The following DLGAP4 variants were observed in gnomAD, a reference collection of about 807,000 sequenced individuals.
DLGAP4 encodes disks large-associated protein 4.
A neutral mutation model predicts 86.9 loss-of-function variants in DLGAP4; 18 were observed. The observed-to-expected ratio is 0.21, with a 90% CI of 0.14 to 0.31. The LOEUF (loss-of-function observed/expected upper bound fraction) is 0.31, where lower values mean the gene tolerates loss of function less well. Ranked by LOEUF, DLGAP4 falls within the 10% of genes least tolerant of loss-of-function variation. DLGAP4 has a pLI of 1.00. For missense variants in DLGAP4, 1,085 were observed against 1,362.6 expected, an observed-to-expected ratio of 0.80 and a Z score of 3.21; for synonymous variants, 548 against 574.3, an observed-to-expected ratio of 0.95 and a Z score of 0.65.
At chr20:36,517,116 C>CGGAG (rs1569525106) in intron 10 of DLGAP4, among the ~76,000 whole-genome samples, 1 of 151,198 alleles carries the variant, frequency 6.6e-6, no homozygotes, top group Non-Finnish European at 1.5e-5. Flanking sequence ...CAGTGCCTCA[C>CGGAG]GCCTGTAATC....
intron 2 of DLGAP4, among the ~76,000 whole-genome samples, chr20:36,389,061 G>A (rs1012168872): frequency 1.3e-5 from 2 of 152,222 alleles, no homozygotes; most frequent in African/African-American, 2.4e-5. Context: ...GGAAGGAGAA[G>A]ACCGGGAAGA....
intron 1 of DLGAP4, among the ~76,000 whole-genome samples, chr20:36,311,341 G>C (rs2065051766): frequency 6.6e-6 from 1 of 152,158 alleles, no homozygotes; most frequent in Non-Finnish European, 1.5e-5. Context: ...CCTGAGCCGA[G>C]GAGTGGGGCC....
intron 6 of DLGAP4, among the ~76,000 whole-genome samples, chr20:36,445,581 C>A (rs1442581732): frequency 6.6e-6 from 1 of 152,224 alleles, no homozygotes; most frequent in African/African-American, 2.4e-5. Flanking sequence ...AGTTGTTTGA[C>A]CTGATGCAGT....
chr20:36,425,562 G>A (rs544526272), intron 2 of DLGAP4, among the ~76,000 whole-genome samples: 31 of 44,892 alleles, frequency 6.9e-4, no homozygotes, highest in Non-Finnish European at 1.2e-3. Context: ...GTGGTGGCTC[G>A]CCTGTAATCC....
chr20:36,436,347 G>A lies in DLGAP4; in HGVS notation c.1238G>A (p.Arg413His). The change falls in exon 4 of 13, where the codon CGC (arginine) becomes CAC (histidine). Residue 413 changes from arginine (R) to histidine (H), a missense_variant. Arg to His is a conservative substitution (Grantham distance 29, BLOSUM62 0). Transcript: ENST00000339266. ...TCGCTGGGAGAGCAGAGCAACCCCC[G>A]CAGGTAGGCGCGCAGCTCCACCCTT... The part of the protein sequence containing the change: ...QQSLGEQSNP[R>H]RSLDRLDSVD... 6.3e-7 allele frequency: 1 copy of A among 1,591,428 alleles called. No homozygotes were observed.
intron 8 of DLGAP4, 120 bp downstream of exon 8, chr20:36,497,186 G>A: frequency 6.8e-7 from 1 of 1,475,980 alleles, no homozygotes; most frequent in Admixed American, 2.6e-5. Flanking sequence ...TCTCTATTTT[G>A]GGGGATCAGC....
At chr20:36,387,016 T>C (rs530371567) in intron 2 of DLGAP4, among the ~76,000 whole-genome samples, 4 of 152,228 alleles carry the variant, frequency 2.6e-5, no homozygotes, top group African/African-American at 9.6e-5. Context: ...ATTTCAGTGG[T>C]TCTGGTTCTC....
intron 2 of DLGAP4, among the ~76,000 whole-genome samples, chr20:36,421,170 T>A (rs567517379): frequency 1.5e-4 from 22 of 148,126 alleles, no homozygotes; most frequent in African/African-American, 5.5e-4. Context: ...TAAAGAAGAC[T>A]AGGGGCCGGG....
chr20:36,524,433 T>C (rs1432099081), intron 11 of DLGAP4, 92 bp downstream of exon 11: 5 of 1,040,614 alleles, frequency 4.8e-6, no homozygotes, highest in East Asian at 2.4e-5. Context: ...TGTGCCCTCC[T>C]CTGTAACACA....
At chr20:36,445,938 G>A (rs1196861779) in intron 6 of DLGAP4, among the ~76,000 whole-genome samples, 1 of 152,002 alleles carries the variant, frequency 6.6e-6, no homozygotes, top group African/African-American at 2.4e-5. Flanking sequence ...AGATTTTCAG[G>A]GTCCTAGACA....
intron 5 of DLGAP4, among the ~76,000 whole-genome samples, chr20:36,440,464 G>A (rs2033415853): frequency 6.6e-6 from 1 of 152,184 alleles, no homozygotes; most frequent in Non-Finnish European, 1.5e-5. Flanking sequence ...CCCTGCCTGT[G>A]TCAGTGAGGA....
chr20:36,452,826 C>CTTTTTTTTTTTTT (rs1233444372), intron 7 of DLGAP4, among the ~76,000 whole-genome samples: 1 of 90,784 alleles, frequency 1.1e-5, no homozygotes, highest in African/African-American at 4.6e-5. Context: ...TTGTGTAAGT[C>CTTTTTTTTTTTTT]TTTTTTTTTT....
At chr20:36,408,879 A>C (rs1194642946) in intron 2 of DLGAP4, among the ~76,000 whole-genome samples, 4 of 152,236 alleles carry the variant, frequency 2.6e-5, no homozygotes, top group African/African-American at 9.6e-5. Flanking sequence ...TAAAGTCTGG[A>C]GTTTAGTTAA....
At position 36,442,833 on chromosome 20, in the gene DLGAP4, T is replaced by C; in HGVS notation, c.1407+56T>C. 1.9e-6 allele frequency: 3 copies of C among 1,603,716 alleles called. No homozygotes were observed. The South Asian group carries it at 3.3e-5, about 18-fold the overall frequency. ...AATCCCAGAGTGTAGGCCTGGGCCT[T>C]AGGCCTGCCCTCTGAGTGGTCCCAG... On this transcript the variant is annotated intron_variant, in intron 6 of 12. Coordinates refer to ENST00000339266, the MANE Select transcript of DLGAP4 (RefSeq NM_001365621.2).
intron 2 of DLGAP4, among the ~76,000 whole-genome samples, chr20:36,426,477 C>T (rs560529704): frequency 1.3e-5 from 2 of 151,742 alleles, no homozygotes; most frequent in South Asian, 2.1e-4. Context: ...ATCGCACCAC[C>T]GCACTCCAGC....
rs2065192121 is a variant in DLGAP4 at position 36,323,798 on chromosome 20, AT to A, written c.-304+17287del. 2.0e-5 allele frequency among the ~76,000 whole-genome samples: 3 copies of A among 152,336 alleles called. No individual in the cohort carries two copies. The South Asian group carries it at 6.2e-4, about 32-fold the overall frequency. On this transcript the variant is annotated intron_variant, in intron 1 of 12. Coordinates refer to ENST00000339266, the MANE Select transcript of DLGAP4 (RefSeq NM_001365621.2). ...TTCCCATAAGGGGCATGTAACCTAG[AT>A]CCCCCGCATGCGTAGTTCACAGTAG...
chr20:36,436,070 T>A (rs2033266056), intron 3 of DLGAP4, 39 bp from the exon 4 acceptor site: 2 of 1,511,494 alleles, frequency 1.3e-6, no homozygotes, highest in Non-Finnish European at 1.8e-6. Flanking sequence ...CTGCTCATTT[T>A]CTGCGGTGGC....
intron 2 of DLGAP4, among the ~76,000 whole-genome samples, chr20:36,422,421 C>T (rs1406382616): frequency 6.6e-6 from 1 of 152,054 alleles, no homozygotes; most frequent in Non-Finnish European, 1.5e-5. Flanking sequence ...GTAAGGGATC[C>T]AGGCTGGTTA....
rs544674629 is a variant in DLGAP4 at position 36,516,829 on chromosome 20, G to C, written c.2513-7421G>C. On this transcript the variant is annotated intron_variant, in intron 10 of 12. Coordinates refer to ENST00000339266, the MANE Select transcript of DLGAP4 (RefSeq NM_001365621.2). ...TGTATGGCTGGGCGTAGTGGCTTAT[G>C]CCTGTAGTCCCAACACTTTGGGAGG... Among the ~76,000 whole-genome samples, 57 of 152,154 alleles carry C rather than the reference G, an allele frequency of 3.7e-4. No individual in the cohort carries two copies. In the South Asian group the frequency reaches 0.011, roughly 30 times the overall value.
Sources: gnomAD v4.1 joint callset for allele counts (sites outside exome capture counted in the v4.1 genomes callset) on GRCh38, gnomAD v4.1.1 for gene constraint, MANE v1.5 for transcripts, NCBI Gene and HGNC (gene_info 2026-07-23, HGNC 2026-07-21) for gene names.